LCAT: variants seen among roughly 807,000 people sequenced by gnomAD.
LCAT encodes the protein lecithin-cholesterol acyltransferase.
LCAT carries 15 observed loss-of-function variants against 41.0 expected under a neutral mutation model. That is an observed-to-expected ratio of 0.37 (90% CI 0.24 to 0.56). LCAT has a LOEUF of 0.56. Among genes scored for constraint, LCAT ranks in the 20% least tolerant of loss-of-function variants. The probability of loss-of-function intolerance (pLI) is 0.81; values close to 1 mark genes in which losing one functional copy is unlikely to be tolerated. For synonymous variants in LCAT, 248 were observed against 245.4 expected, an observed-to-expected ratio of 1.01 and a Z score of -0.10; for missense variants, 449 against 595.1, an observed-to-expected ratio of 0.75 and a Z score of 2.55.
chr16:67,943,933 C>G lies in LCAT; in HGVS notation c.154+15G>C, dbSNP rs1337155154. 4.5e-6 allele frequency: 7 copies of G among 1,540,840 alleles called. No homozygotes were observed. The highest frequency in any genetic ancestry group is 6.1e-6 in the Non-Finnish European group (7 of 1,141,264). Reference sequence around the variant, plus strand: ...GGGTCTGGCGTGGTGCATCAGGGGCCTGGTGGGGGCTTACCGAGGATGACG... The same window carrying G: ...GGGTCTGGCGTGGTGCATCAGGGGCGTGGTGGGGGCTTACCGAGGATGACG... On this transcript the variant is annotated intron_variant, in intron 1 of 5. Transcript: ENST00000264005. This position sits in a 1 kb window ranked among gnomAD's most constrained non-coding sequence, Gnocchi z 4.6.
rs1567409490 is a variant in LCAT, at chr16:67,943,263, A to G, written c.155-51T>C. Reference sequence around the variant, plus strand: ...ACTCTGGATTCCCCCCGTGACCCTTACCCCCGTCACCCCAGATGCTGCAGT... The same window carrying G: ...ACTCTGGATTCCCCCCGTGACCCTTGCCCCCGTCACCCCAGATGCTGCAGT... On this transcript the variant is annotated intron_variant, in intron 1 of 5. Transcript: ENST00000264005. The surrounding 1 kb of genome is among the most constrained non-coding windows in gnomAD (Gnocchi z 4.6). 14 of 1,444,768 alleles carry G rather than the reference A, an allele frequency of 9.7e-6. No homozygotes were observed. Among genetic ancestry groups the G allele is most frequent in the Middle Eastern group, 2.4e-4 (1 of 4,100 alleles). The allele number at this position is 1,444,768 out of a possible 1,614,324, so 89.5% of individuals were successfully genotyped here.
intron 5 of LCAT, chr16:67,941,757 T>A: frequency 9.9e-7 from 1 of 1,009,272 alleles, no homozygotes; most frequent in Non-Finnish European, 1.2e-6. Context: ...CTTGTGTGGC[T>A]TATGCAGCAA....
Position 67,943,011 on chromosome 16 carries a change from C to T in LCAT, c.312-35G>A. On this transcript the variant is annotated intron_variant, in intron 2 of 5. Transcript: ENST00000264005. The surrounding 1 kb of genome is among the most constrained non-coding windows in gnomAD (Gnocchi z 4.6). ...GGGGGTGCCACTCAGCAGCCAGTAG[C>T]CAAGGGGCAGCGTGTTGGGGCTAGG... 1 of 1,613,782 alleles carries T rather than the reference C, an allele frequency of 6.2e-7. No individual in the cohort carries two copies. Among genetic ancestry groups the T allele is most frequent in the Non-Finnish European group, 8.5e-7 (1 of 1,179,868 alleles).
rs2058299349 is a variant in LCAT, at chr16:67,942,782, C to A, written c.428-16G>T. The A allele has an allele frequency of 1.2e-6, 2 of 1,612,722 alleles. No homozygotes were observed. Among genetic ancestry groups the A allele is most frequent in the African/African-American group, 1.3e-5 (1 of 74,930 alleles). ...TGCAGGTACCCTGTGGGGGGACCAG[C>A]AGCACCGGGGGCTTGGGCCATGCCT... On this transcript the variant is annotated splice_polypyrimidine_tract_variant and intron_variant, in intron 3 of 5. Transcript: ENST00000264005. This position sits in a 1 kb window ranked among gnomAD's most constrained non-coding sequence, Gnocchi z 6.6.
Position 67,940,147 on chromosome 16 carries a change from AG to A in LCAT, c.1079del (p.Pro360LeufsTer50). Reference sequence around the variant, plus strand: ...CACCATCCTCATAGAGCACACCCACAGGGTCCGTGTAGGGGAAGCCGTGGTC... The same window carrying A: ...CACCATCCTCATAGAGCACACCCACAGGTCCGTGTAGGGGAAGCCGTGGTC... ...IYDHGFPYTD[P>X]VGVLYEDGDD... is the part of the protein sequence containing the mutation. On this transcript the variant is annotated frameshift_variant, in exon 6 of 6. Coordinates refer to ENST00000264005, the MANE Select transcript of LCAT (RefSeq NM_000229.2). LOFTEE classifies it high-confidence loss of function. 6.2e-7 allele frequency: 1 copy of A among 1,613,518 alleles called. No homozygotes were observed. Among genetic ancestry groups the A allele is most frequent in the Non-Finnish European group, 8.5e-7 (1 of 1,180,006 alleles).
Position 67,942,029 on chromosome 16 carries a change from G to A in LCAT, c.748+334C>T, listed in dbSNP as rs1381643871. On this transcript the variant is annotated intron_variant, in intron 5 of 5. Coordinates refer to ENST00000264005, the MANE Select transcript of LCAT (RefSeq NM_000229.2). This position sits in a 1 kb window ranked among gnomAD's most constrained non-coding sequence, Gnocchi z 6.6. ...TCCATCCTCAGTGAAGCACATCCCTGGGCAAAGGCACTCCTGCGAGCAAGT... is the reference window on the plus strand; with the variant it reads ...TCCATCCTCAGTGAAGCACATCCCTAGGCAAAGGCACTCCTGCGAGCAAGT... 2 of 1,239,642 alleles carry A rather than the reference G, an allele frequency of 1.6e-6. No individual in the cohort carries two copies. The highest frequency in any genetic ancestry group is 2.0e-6 in the Non-Finnish European group (2 of 976,168). 76.8% of individuals were successfully genotyped at this position (1,239,642 alleles called of 1,614,324 possible).
At chr16:67,941,707 G>A (rs1340481877) in intron 5 of LCAT, 9 of 996,386 alleles carry the variant, frequency 9.0e-6, no homozygotes, top group Non-Finnish European at 1.1e-5. Flanking sequence ...TGGTGGGGGC[G>A]GTGCTGGCTG....
At chr16:67,940,869 G>C (rs2058287824) in intron 5 of LCAT, 1 of 249,560 alleles carries the variant, frequency 4.0e-6, no homozygotes, top group Non-Finnish European at 7.9e-6. Context: ...GCTGGGCTTA[G>C]TGGAGTGCAC....
At position 67,942,928 on chromosome 16, in the gene LCAT, G is replaced by A; in HGVS notation, c.360C>T (p.Val120=). The change falls in exon 3 of 6, where the codon GTC becomes GTT. Residue 120 remains valine (V), a synonymous_variant. Transcript: ENST00000264005. This position sits in a 1 kb window ranked among gnomAD's most constrained non-coding sequence, Gnocchi z 6.6. ...SSGLVSNAPG[V]QIRVPGFGKT... Reference sequence around the variant, plus strand: ...TGCCAAAGCCAGGGACGCGGATCTGGACACCAGGGGCGTTGGACACGAGCC... The same window carrying A: ...TGCCAAAGCCAGGGACGCGGATCTGAACACCAGGGGCGTTGGACACGAGCC... The A allele has an allele frequency of 1.2e-6, 2 of 1,613,940 alleles. No homozygotes were observed. Among genetic ancestry groups the A allele is most frequent in the Non-Finnish European group, 1.7e-6 (2 of 1,179,994 alleles).
Position 67,943,275 on chromosome 16 carries a change from C to G in LCAT, c.155-63G>C, listed in dbSNP as rs1408613931. The G allele has an allele frequency of 2.2e-5, 35 of 1,578,800 alleles. No homozygotes were observed. The highest frequency in any genetic ancestry group is 2.9e-5 in the Non-Finnish European group (34 of 1,154,820). On this transcript the variant is annotated intron_variant, in intron 1 of 5. Transcript: ENST00000264005. This position sits in a 1 kb window ranked among gnomAD's most constrained non-coding sequence, Gnocchi z 4.6. ...CCCCGTGACCCTTACCCCCGTCACC[C>G]CAGATGCTGCAGTGACCAGACCCAC... is the stretch of plus-strand genomic sequence containing the variant.
chr16:67,939,751 G>C lies in LCAT; in HGVS notation c.*153C>G. 1 of 1,360,546 alleles carries C rather than the reference G, an allele frequency of 7.3e-7. No individual in the cohort carries two copies. Among genetic ancestry groups the C allele is most frequent in the African/African-American group, 1.5e-5 (1 of 68,700 alleles). 84.3% of individuals were successfully genotyped at this position (1,360,546 alleles called of 1,614,324 possible). ...GGCAGCTGTACATCTAGGGTGCCCA[G>C]CTCAGTCCCAGGCCTCAGCAGAGCC... On this transcript the variant is annotated 3_prime_UTR_variant, in exon 6 of 6. Transcript: ENST00000264005.
In LCAT at chr16:67,942,309, AG is replaced by A. The variant is rs1474930555; in HGVS notation, c.748+53del. On this transcript the variant is annotated intron_variant, in intron 5 of 5. Transcript: ENST00000264005. The surrounding 1 kb of genome is among the most constrained non-coding windows in gnomAD (Gnocchi z 6.6). ...CAGGAGCCGCAATGAAGGCAGGCCCAGGATCAGCTTGGTCTCACCCATCGCT... is the reference window on the plus strand; with the variant it reads ...CAGGAGCCGCAATGAAGGCAGGCCCAGATCAGCTTGGTCTCACCCATCGCT... 8.3e-6 allele frequency: 13 copies of A among 1,574,344 alleles called. No homozygotes were observed. The highest frequency in any genetic ancestry group is 1.1e-5 in the Non-Finnish European group (13 of 1,146,422).
Position 67,943,934 on chromosome 16 carries a change from TG to T in LCAT, c.154+13del. On this transcript the variant is annotated intron_variant, in intron 1 of 5. Transcript: ENST00000264005. The surrounding 1 kb of genome is among the most constrained non-coding windows in gnomAD (Gnocchi z 4.6). Reference sequence around the variant, plus strand: ...GGTCTGGCGTGGTGCATCAGGGGCCTGGTGGGGGCTTACCGAGGATGACGGG... The same window carrying T: ...GGTCTGGCGTGGTGCATCAGGGGCCTGTGGGGGCTTACCGAGGATGACGGG... 1 of 1,541,242 alleles carries T rather than the reference TG, an allele frequency of 6.5e-7. No individual in the cohort carries two copies. The highest frequency in any genetic ancestry group is 8.8e-7 in the Non-Finnish European group (1 of 1,141,392).
chr16:67,942,758 G>C lies in LCAT; in HGVS notation c.436C>G (p.His146Asp). The C allele has an allele frequency of 1.9e-6, 3 of 1,612,936 alleles. No homozygotes were observed. Among genetic ancestry groups the C allele is most frequent in the South Asian group, 1.1e-5 (1 of 91,088 alleles). ...LDSSKLAGYL[H>D]TLVQNLVNNG... ...TTGACCAGGTTCTGCACCAGTGTGT[G>C]CAGGTACCCTGTGGGGGGACCAGCA... The change falls in exon 4 of 6, where the codon CAC becomes GAC. Residue 146 changes from histidine (H) to aspartate (D), a missense_variant. By Grantham distance (81) the His-to-Asp change is moderately conservative. Transcript: ENST00000264005. This position sits in a 1 kb window ranked among gnomAD's most constrained non-coding sequence, Gnocchi z 6.6.
chr16:67,943,279 A>T lies in LCAT; in HGVS notation c.155-67T>A. 1 of 1,514,866 alleles carries T rather than the reference A, an allele frequency of 6.6e-7. No individual in the cohort carries two copies. The highest frequency in any genetic ancestry group is 9.0e-7 in the Non-Finnish European group (1 of 1,116,938). The allele number at this position is 1,514,866 out of a possible 1,614,324, so 93.8% of individuals were successfully genotyped here. A position where few individuals can be genotyped will look rare whatever the true frequency, so the allele number is the denominator to read the frequency against. The stretch of plus-strand genomic sequence containing the variant: ...GTGACCCTTACCCCCGTCACCCCAG[A>T]TGCTGCAGTGACCAGACCCACCCCC... On this transcript the variant is annotated intron_variant, in intron 1 of 5. Transcript: ENST00000264005. This position sits in a 1 kb window ranked among gnomAD's most constrained non-coding sequence, Gnocchi z 4.6.
chr16:67,940,270 C>T lies in LCAT; in HGVS notation c.957G>A (p.Leu319=). 6.2e-7 allele frequency: 1 copy of T among 1,614,002 alleles called. No individual in the cohort carries two copies. Residue 319 remains leucine (L), a synonymous_variant, in exon 6 of 6, where the codon CTG becomes CTA. Coordinates refer to ENST00000264005, the MANE Select transcript of LCAT (RefSeq NM_000229.2). Reference sequence around the variant, plus strand: ...GTCCTGCCAGGAGGTCACGTGACTGCAGCCACATGTACCAGCCTTCCTCAA... The same window carrying T: ...GTCCTGCCAGGAGGTCACGTGACTGTAGCCACATGTACCAGCCTTCCTCAA... The part of the protein sequence containing the change: ...LHFEEGWYMW[L]QSRDLLAGLP...
chr16:67,942,916 G>A lies in LCAT; in HGVS notation c.372C>T (p.Val124=), dbSNP rs1425607390. ...VSNAPGVQIR[V]PGFGKTYSVE... is the part of the protein sequence containing the mutation. ...CAGAGTAGGTCTTGCCAAAGCCAGG[G>A]ACGCGGATCTGGACACCAGGGGCGT... The change falls in exon 3 of 6, where the codon GTC becomes GTT. Residue 124 remains valine, a synonymous_variant. Transcript: ENST00000264005. The surrounding 1 kb of genome is among the most constrained non-coding windows in gnomAD (Gnocchi z 6.6). 1.2e-6 allele frequency: 2 copies of A among 1,613,814 alleles called. No homozygotes were observed. The highest frequency in any genetic ancestry group is 2.7e-5 in the African/African-American group (2 of 74,932).
In LCAT at chr16:67,943,844, G is replaced by A. The variant is rs1248875415; in HGVS notation, c.154+104C>T. On this transcript the variant is annotated intron_variant, in intron 1 of 5. Transcript: ENST00000264005. This position sits in a 1 kb window ranked among gnomAD's most constrained non-coding sequence, Gnocchi z 4.6. Reference sequence around the variant, plus strand: ...CACCAGGGCAGGTACTTATGTCGGGGCTTATGCAGGGCAGAAGGGCTTTGG... The same window carrying A: ...CACCAGGGCAGGTACTTATGTCGGGACTTATGCAGGGCAGAAGGGCTTTGG... The A allele has an allele frequency of 1.8e-6, 2 of 1,123,634 alleles. No individual in the cohort carries two copies. The highest frequency in any genetic ancestry group is 1.3e-6 in the Non-Finnish European group (1 of 799,146). The allele number at this position is 1,123,634 out of a possible 1,614,324, so 69.6% of individuals were successfully genotyped here.
Position 67,939,997 on chromosome 16 carries a change from G to C in LCAT, c.1230C>G (p.Thr410=). ...QHLNMVFSNL[T]LEHINAILLG... is the part of the protein sequence containing the mutation. Reference sequence around the variant, plus strand: ...GCAGGATGGCATTGATGTGCTCCAGGGTCAGGTTGCTGAAGACCATGTTGA... The same window carrying C: ...GCAGGATGGCATTGATGTGCTCCAGCGTCAGGTTGCTGAAGACCATGTTGA... The change falls in exon 6 of 6, where the codon ACC becomes ACG. Residue 410 remains threonine (T), a synonymous_variant. Transcript: ENST00000264005. 1 of 1,613,706 alleles carries C rather than the reference G, an allele frequency of 6.2e-7. No individual in the cohort carries two copies. The highest frequency in any genetic ancestry group is 1.1e-5 in the South Asian group (1 of 91,088).
Sources: allele counts gnomAD v4.1 joint callset, GRCh38; gene constraint gnomAD v4.1.1; non-coding constraint Gnocchi (gnomAD v3.1); transcripts MANE v1.5; gene names NCBI Gene and HGNC (gene_info 2026-07-23, HGNC 2026-07-21).